GTF2B: variants seen among roughly 807,000 people sequenced by gnomAD.
GTF2B encodes transcription initiation factor IIB.
Under a neutral mutation model 34.6 loss-of-function variants are expected in GTF2B, and 20 were observed. The ratio of observed to expected loss-of-function variants is 0.58; its 90% CI spans 0.41 to 0.84. The LOEUF is 0.84. GTF2B is among the 40% of genes least tolerant of loss of function. GTF2B has a pLI of 0.00. For synonymous variants in GTF2B, 142 were observed against 132.4 expected (o/e 1.07, Z -0.50); for missense variants, 237 against 393.3 (o/e 0.60, Z 3.36).
chr1:88,867,807 A>T (rs1259734539), intron 2 of GTF2B, among the ~76,000 whole-genome samples: 7 of 152,082 alleles, frequency 4.6e-5, no homozygotes, highest in African/African-American at 9.7e-5. Flanking sequence ...TATTTTTTTT[A>T]AATGGATTAT....
chr1:88,891,371 C>A, intron 1 of GTF2B, 112 bp downstream of exon 1: 1 of 735,494 alleles, frequency 1.4e-6, no homozygotes. Context: ...CCCGCCGCTT[C>A]TCTCCCATAC....
intron 1 of GTF2B, among the ~76,000 whole-genome samples, chr1:88,888,452 T>G (rs1193856810): frequency 6.6e-6 from 1 of 152,208 alleles, no homozygotes; most frequent in Non-Finnish European, 1.5e-5. Flanking sequence ...TTTGTGTTTA[T>G]TCCATAAATT....
In GTF2B at chr1:88,889,963, T is replaced by C. The variant is rs372599141; in HGVS notation, c.17+1520A>G. 5.0e-4 allele frequency among the ~76,000 whole-genome samples: 76 copies of C among 152,210 alleles called. No individual in the cohort carries two copies. In the South Asian group the frequency reaches 0.015, roughly 30 times the overall value. The stretch of plus-strand genomic sequence containing the variant: ...GCTGAGGTGGGAGGATCACTTGAAC[T>C]GGGGAGGTCATGGCTGCAGTGAGCC... On this transcript the variant is annotated intron_variant, in intron 1 of 6. Transcript: ENST00000370500.
chr1:88,889,073 C>CTTT (rs1674136997), intron 1 of GTF2B, among the ~76,000 whole-genome samples: 1 of 152,144 alleles, frequency 6.6e-6, no homozygotes, highest in Admixed American at 6.5e-5. Context: ...AATTAGGTCA[C>CTTT]TTTCGTGGGG....
intron 2 of GTF2B, among the ~76,000 whole-genome samples, chr1:88,867,835 T>C (rs1387193893): frequency 6.6e-6 from 1 of 152,192 alleles, no homozygotes; most frequent in Non-Finnish European, 1.5e-5. Flanking sequence ...TAGTATAGTA[T>C]AAATAGAAAG....
chr1:88,886,901 GA>G (rs1380874183), intron 2 of GTF2B, among the ~76,000 whole-genome samples: 3 of 151,838 alleles, frequency 2.0e-5, no homozygotes, highest in Non-Finnish European at 4.4e-5. Flanking sequence ...AAAAGTGAAG[GA>G]CCCTAAACAT....
chr1:88,871,726 TTTTA>T (rs1172117744), intron 2 of GTF2B, among the ~76,000 whole-genome samples: 14 of 152,188 alleles, frequency 9.2e-5, no homozygotes, highest in Admixed American at 2.0e-4. Flanking sequence ...AGACTGCTCT[TTTTA>T]TTTATTATTA....
At chr1:88,889,261 G>A (rs1674142075) in intron 1 of GTF2B, among the ~76,000 whole-genome samples, 1 of 152,142 alleles carries the variant, frequency 6.6e-6, no homozygotes, top group Non-Finnish European at 1.5e-5. Flanking sequence ...CCATTTGTAT[G>A]TGTTACCTAT....
chr1:88,857,510 A>T, intron 5 of GTF2B, 23 bp from the exon 6 acceptor site: 1 of 1,301,596 alleles, frequency 7.7e-7, no homozygotes, highest in Non-Finnish European at 1.1e-6. Flanking sequence ...AAATTAAATA[A>T]ATCAATTCAC....
intron 2 of GTF2B, among the ~76,000 whole-genome samples, chr1:88,871,592 C>T (rs1410242939): frequency 6.6e-6 from 1 of 152,192 alleles, no homozygotes; most frequent in Non-Finnish European, 1.5e-5. Context: ...AATACAATTA[C>T]ATCATATACC....
intron 2 of GTF2B, among the ~76,000 whole-genome samples, chr1:88,879,177 G>C (rs879623121): frequency 2.0e-5 from 3 of 152,024 alleles, no homozygotes; most frequent in Non-Finnish European, 2.9e-5. Context: ...AAGGAGGTTT[G>C]ACAGACAATG....
At chr1:88,877,168 C>T (rs1399740683) in intron 2 of GTF2B, among the ~76,000 whole-genome samples, 1 of 152,094 alleles carries the variant, frequency 6.6e-6, no homozygotes, top group African/African-American at 2.4e-5. Flanking sequence ...CTCTTAATGC[C>T]CATTTATATA....
At chr1:88,866,445 G>A (rs1157710881) in intron 2 of GTF2B, among the ~76,000 whole-genome samples, 2 of 152,160 alleles carry the variant, frequency 1.3e-5, no homozygotes, top group South Asian at 2.1e-4. Flanking sequence ...GTCTCACTCT[G>A]TTGCCCAGGT....
chr1:88,864,183 C>T, intron 2 of GTF2B, 69 bp from the exon 3 acceptor site: 1 of 1,381,632 alleles, frequency 7.2e-7, no homozygotes, highest in Non-Finnish European at 1.0e-6. Context: ...CTGTCCAATG[C>T]CCAACTAAGC....
intron 2 of GTF2B, 142 bp from the exon 3 acceptor site, chr1:88,864,256 G>C (rs1375702210): frequency 7.4e-6 from 5 of 677,104 alleles, no homozygotes; most frequent in Non-Finnish European, 1.3e-5. Context: ...TCACATTTCA[G>C]ACATTTGTCC....
intron 2 of GTF2B, among the ~76,000 whole-genome samples, chr1:88,873,683 T>C (rs1025138502): frequency 4.6e-5 from 7 of 152,358 alleles, no homozygotes; most frequent in African/African-American, 1.7e-4. Flanking sequence ...GGCTTGCATT[T>C]TGTAGCACGG....
At chr1:88,891,169 A>G (rs1674194198) in intron 1 of GTF2B, among the ~76,000 whole-genome samples, 1 of 148,296 alleles carries the variant, frequency 6.7e-6, no homozygotes, top group Admixed American at 6.7e-5. Context: ...GAAGAAGAGA[A>G]AATAAAGGGA....
At chr1:88,891,040 AAACT>A (rs554744277) in intron 1 of GTF2B, among the ~76,000 whole-genome samples, 10 of 148,674 alleles carry the variant, frequency 6.7e-5, no homozygotes, top group African/African-American at 7.4e-5. Flanking sequence ...TAGGAACCTG[AAACT>A]AACTGTTTCC....
chr1:88,891,359 G>T, intron 1 of GTF2B, 124 bp downstream of exon 1: 1 of 678,012 alleles, frequency 1.5e-6, no homozygotes, highest in Non-Finnish European at 2.5e-6. Flanking sequence ...CCGTCGGCCA[G>T]TCCCGCCGCT....
Sources: gnomAD v4.1 joint callset for allele counts (sites outside exome capture counted in the v4.1 genomes callset) on GRCh38, gnomAD v4.1.1 for gene constraint, MANE v1.5 for transcripts, NCBI Gene and HGNC (gene_info 2026-07-23, HGNC 2026-07-21) for gene names.